Variants in CCSER1 observed in about 807,000 individuals in gnomAD.
CCSER1 encodes coiled-coil serine rich protein 1.
CCSER1 carries 41 observed loss-of-function variants against 82.0 expected under a neutral mutation model. The observed-to-expected ratio is 0.50, with a 90% CI of 0.39 to 0.65. CCSER1 has a LOEUF of 0.65. Ranked by LOEUF, CCSER1 falls within the 30% of genes least tolerant of loss-of-function variation. The pLI is 0.00. For synonymous variants in CCSER1, 414 were observed against 383.9 expected (o/e 1.08, Z -0.92); for missense variants, 1,119 against 1,064.2 (o/e 1.05, Z -0.72).
At chr4:90,780,605 G>A in intron 7 of CCSER1, 2 of 1,458,650 alleles carry the variant, frequency 1.4e-6, no homozygotes, top group South Asian at 1.5e-5. Flanking sequence ...AAAGAAATAG[G>A]CAAAGGACAG....
At chr4:90,762,461 G>A (rs569461403) in intron 7 of CCSER1, among the ~76,000 whole-genome samples, 1 of 152,200 alleles carries the variant, frequency 6.6e-6, no homozygotes, top group Admixed American at 6.5e-5. Flanking sequence ...TGTGTTACTT[G>A]TTGGTTCTCC....
At position 91,164,345 on chromosome 4, in the gene CCSER1, C is replaced by G. The variant is rs192653134; in HGVS notation, c.2217+78351C>G. Among the ~76,000 whole-genome samples, 620 of 152,278 alleles carry G rather than the reference C, an allele frequency of 4.1e-3. 7 individuals carry two copies. Among genetic ancestry groups the G allele is most frequent in the African/African-American group, 0.014 (594 of 41,552 alleles). ...CCTTTGTGGGTAACCCGACCTTTCT[C>G]TCTGGCTGCCCTTAATATTTTTTCC... On this transcript the variant is annotated intron_variant, in intron 10 of 10. Transcript: ENST00000509176.
intron 5 of CCSER1, among the ~76,000 whole-genome samples, chr4:90,482,387 T>C (rs537928007): frequency 6.6e-6 from 1 of 152,326 alleles, no homozygotes; most frequent in East Asian, 1.9e-4. Flanking sequence ...TCTGCTCTGA[T>C]CTTAGTTATT....
At chr4:90,655,375 A>T (rs1159437939) in intron 6 of CCSER1, among the ~76,000 whole-genome samples, 2 of 152,078 alleles carry the variant, frequency 1.3e-5, no homozygotes, top group Non-Finnish European at 2.9e-5. Flanking sequence ...TGACAGTAAC[A>T]GTCTAGTGTT....
intron 10 of CCSER1, among the ~76,000 whole-genome samples, chr4:91,122,520 C>T (rs998427511): frequency 3.3e-5 from 5 of 151,452 alleles, no homozygotes; most frequent in African/African-American, 7.3e-5. Flanking sequence ...ATGATTCTCC[C>T]GCAAAATCCT....
At chr4:90,911,654 C>A (rs899020343) in intron 8 of CCSER1, among the ~76,000 whole-genome samples, 4 of 152,094 alleles carry the variant, frequency 2.6e-5, no homozygotes, top group African/African-American at 9.7e-5. Context: ...GTGTAGCGCA[C>A]CAAGCATGAG....
At chr4:90,778,527 TAA>T (rs35328489) in intron 7 of CCSER1, among the ~76,000 whole-genome samples, 3 of 143,410 alleles carry the variant, frequency 2.1e-5, no homozygotes, top group African/African-American at 2.5e-5. Flanking sequence ...ATGCATTTCT[TAA>T]AAAAAAAAAA....
At chr4:91,059,474 T>TATATATAA (rs1491347592) in intron 9 of CCSER1, among the ~76,000 whole-genome samples, 4 of 147,360 alleles carry the variant, frequency 2.7e-5, no homozygotes, top group Non-Finnish European at 6.0e-5. Flanking sequence ...TATATATATA[T>TATATATAA]AAGTCTCCAA....
At chr4:90,719,406 A>G (rs965513534) in intron 6 of CCSER1, among the ~76,000 whole-genome samples, 79 of 152,148 alleles carry the variant, frequency 5.2e-4, no homozygotes, top group Admixed American at 4.2e-3. Flanking sequence ...ATATGTTACA[A>G]TGTAGTAATA....
intron 4 of CCSER1, among the ~76,000 whole-genome samples, chr4:90,443,803 C>T (rs1010089190): frequency 3.3e-5 from 5 of 151,560 alleles, no homozygotes. Context: ...TGTTTTAGCC[C>T]CTGCCTTCAT....
rs993644935 is a variant in CCSER1, at chr4:90,342,785, T to C, written c.1509+29738T>C. 2.0e-5 allele frequency among the ~76,000 whole-genome samples: 3 copies of C among 152,322 alleles called. No individual in the cohort carries two copies. The East Asian group carries it at 5.8e-4, about 29-fold the overall frequency. ...GTTAAGGATGTCCATAGTTTCCTCA[T>C]TGTTACCATCGGTGGACTTCATCCT... On this transcript the variant is annotated intron_variant, in intron 3 of 10. Coordinates refer to ENST00000509176, the MANE Select transcript of CCSER1 (RefSeq NM_001145065.2).
chr4:91,412,635 C>T (rs138995548), intron 10 of CCSER1, among the ~76,000 whole-genome samples: 138 of 152,156 alleles, frequency 9.1e-4, no homozygotes, highest in Non-Finnish European at 1.4e-3. Flanking sequence ...GCAGATTCAA[C>T]AGTAGGCACA....
intron 9 of CCSER1, among the ~76,000 whole-genome samples, chr4:91,081,591 G>A (rs1421710172): frequency 6.7e-6 from 1 of 148,640 alleles, no homozygotes; most frequent in Non-Finnish European, 1.5e-5. Flanking sequence ...AGAAATAAAG[G>A]GTATTCAATT....
intron 10 of CCSER1, among the ~76,000 whole-genome samples, chr4:91,342,679 C>T (rs901514525): frequency 2.0e-5 from 3 of 152,042 alleles, no homozygotes; most frequent in African/African-American, 7.2e-5. Context: ...CAAGAAATTC[C>T]TGACTCCAGG....
intron 4 of CCSER1, among the ~76,000 whole-genome samples, chr4:90,407,502 A>T (rs1219732776): frequency 6.6e-6 from 1 of 152,216 alleles, no homozygotes; most frequent in East Asian, 1.9e-4. Flanking sequence ...AAATCATTCT[A>T]TGAAGCCAGT....
intron 5 of CCSER1, among the ~76,000 whole-genome samples, chr4:90,528,100 T>C (rs193284324): frequency 6.6e-6 from 1 of 152,270 alleles, no homozygotes; most frequent in African/African-American, 2.4e-5. Context: ...TATGCATTTA[T>C]CCTAGGTGGT....
chr4:90,193,897 G>A (rs979343147), intron 1 of CCSER1, among the ~76,000 whole-genome samples: 1 of 152,122 alleles, frequency 6.6e-6, no homozygotes, highest in African/African-American at 2.4e-5. Context: ...TGAAATCGGG[G>A]ACTTTGATTT....
intron 9 of CCSER1, among the ~76,000 whole-genome samples, chr4:91,074,710 TAC>T (rs761368450): frequency 7.2e-5 from 11 of 152,232 alleles, no homozygotes; most frequent in South Asian, 4.1e-4. Context: ...GAGGTTGAGC[TAC>T]AGTTATCTAA....
rs1475408956 is a variant in CCSER1 at position 91,601,823 on chromosome 4, A to C, written c.*2766A>C. The C allele has an allele frequency of 3.9e-5, 6 of 152,050 alleles. No homozygotes were observed. The highest frequency in any genetic ancestry group is 3.9e-4 in the Admixed American group (6 of 15,246). The allele number at this position is 152,050 out of a possible 1,614,324, so 9.4% of individuals were successfully genotyped here. ...TGAATTTAGAATGTGTTTTAAAGGA[A>C]CACTTAGGAAGAGAAATACCTTGAA... On this transcript the variant is annotated 3_prime_UTR_variant, in exon 11 of 11. Coordinates refer to ENST00000509176, the MANE Select transcript of CCSER1 (RefSeq NM_001145065.2).
Sources: allele counts gnomAD v4.1 joint callset (sites outside exome capture counted in the v4.1 genomes callset), GRCh38; gene constraint gnomAD v4.1.1; transcripts MANE v1.5; gene names NCBI Gene and HGNC (gene_info 2026-07-23, HGNC 2026-07-21).